RBL2: variants seen among roughly 807,000 people sequenced by gnomAD.
The protein encoded by RBL2 is retinoblastoma-like protein 2.
Under a neutral mutation model 126.0 loss-of-function variants are expected in RBL2, and 56 were observed. The observed-to-expected ratio is 0.44, with a 90% CI of 0.36 to 0.56. RBL2 has a LOEUF of 0.56. Ranked by LOEUF, RBL2 falls within the 20% of genes least tolerant of loss-of-function variation. The pLI is 0.00. For missense variants in RBL2, 1,229 were observed against 1,398.2 expected (o/e 0.88, Z 1.93); for synonymous variants, 454 against 478.5 (o/e 0.95, Z 0.67).
At chr16:53,472,283 G>A (rs1960550421) in intron 17 of RBL2, among the ~76,000 whole-genome samples, 1 of 152,152 alleles carries the variant, frequency 6.6e-6, no homozygotes, top group Non-Finnish European at 1.5e-5. Flanking sequence ...ATTCCTAGGA[G>A]TGGAACTGCA....
chr16:53,446,712 T>C (rs1467300938), intron 3 of RBL2, among the ~76,000 whole-genome samples: 1 of 152,226 alleles, frequency 6.6e-6, no homozygotes, highest in Admixed American at 6.5e-5. Flanking sequence ...TGACTGCATA[T>C]AGTGGTCCTA....
In RBL2 at chr16:53,485,669, C is replaced by T. The variant is rs140229281; in HGVS notation, c.3249+3834C>T. On this transcript the variant is annotated intron_variant, in intron 21 of 21. Transcript: ENST00000262133. ...CAGGAGTTCGAGACCAGCCTGGTAA[C>T]GTGGCAAGACCTTGTCTCTACTTTA... 7.2e-4 allele frequency among the ~76,000 whole-genome samples: 109 copies of T among 151,246 alleles called. 1 individual carries two copies. The highest frequency in any genetic ancestry group is 3.5e-3 in the Middle Eastern group (1 of 288).
At chr16:53,439,648 C>CT (rs1427578886) in intron 2 of RBL2, among the ~76,000 whole-genome samples, 1 of 151,912 alleles carries the variant, frequency 6.6e-6, no homozygotes, top group Non-Finnish European at 1.5e-5. Context: ...GCAGAAATTG[C>CT]TTTATCTGTT....
Position 53,459,597 on chromosome 16 carries a change from GA to G in RBL2, c.1329del (p.Lys443AsnfsTer21), listed in dbSNP as rs770275673. The G allele has an allele frequency of 6.4e-7, 1 of 1,563,004 alleles. No individual in the cohort carries two copies. ...CAGGCCTCAGGAATGCACCAAGTGA[GA>G]AACTGGAACAGATTCTCAGGTTAGT... ...LTGLRNAPSE[K>X]LEQILRTCSR... On this transcript the variant is annotated frameshift_variant, in exon 9 of 22. Coordinates refer to ENST00000262133, the MANE Select transcript of RBL2 (RefSeq NM_005611.4). LOFTEE classifies it high-confidence loss of function.
At chr16:53,472,806 C>G (rs1960572737) in intron 17 of RBL2, among the ~76,000 whole-genome samples, 1 of 152,050 alleles carries the variant, frequency 6.6e-6, no homozygotes, top group Admixed American at 6.5e-5. Context: ...ATTACCAAAC[C>G]CAAGGTCTTT....
chr16:53,477,863 T>G (rs946962172), intron 17 of RBL2, among the ~76,000 whole-genome samples: 1 of 152,186 alleles, frequency 6.6e-6, no homozygotes, highest in Non-Finnish European at 1.5e-5. Context: ...TTATACTGTA[T>G]TTACGATTAC....
chr16:53,481,692 C>T lies in RBL2; in HGVS notation c.3106C>T (p.Pro1036Ser). ...QANMDAPPLSPYPFVRTGSPR... is the reference protein window; with the variant it reads ...QANMDAPPLSSYPFVRTGSPR... ...ACAGATGGATGCTCCTCCACTCTCT[C>T]CCTATCCATTTGTAAGAACAGGCTC... Residue 1036 changes from proline to serine, a missense_variant, in exon 21 of 22, where the codon CCC (proline) becomes TCC (serine). Pro to Ser is a moderately conservative substitution (Grantham distance 74, BLOSUM62 -1). Transcript: ENST00000262133. 2 of 1,612,006 alleles carry T rather than the reference C, an allele frequency of 1.2e-6. No homozygotes were observed. Among genetic ancestry groups the T allele is most frequent in the Non-Finnish European group, 1.7e-6 (2 of 1,178,706 alleles).
chr16:53,456,858 CT>C (rs1189452200), intron 8 of RBL2, among the ~76,000 whole-genome samples: 1 of 152,186 alleles, frequency 6.6e-6, no homozygotes, highest in Non-Finnish European at 1.5e-5. Context: ...CTCAGGACTT[CT>C]TTTCCCCCTG....
At chr16:53,463,332 T>G (rs2058240762) in intron 11 of RBL2, among the ~76,000 whole-genome samples, 2 of 152,162 alleles carry the variant, frequency 1.3e-5, no homozygotes, top group African/African-American at 4.8e-5. Flanking sequence ...TCTGTTTTTT[T>G]GGGTTTGTTG....
chr16:53,471,573 A>G (rs1960525973), intron 17 of RBL2, among the ~76,000 whole-genome samples: 1 of 151,902 alleles, frequency 6.6e-6, no homozygotes, highest in Non-Finnish European at 1.5e-5. Context: ...GGTTCAAGCG[A>G]TTCTCCTGTC....
rs755244928 is a variant in RBL2, at chr16:53,479,966, T to A, written c.2856T>A (p.Ser952=). The change falls in exon 19 of 22, where the codon TCT becomes TCA. Residue 952 remains serine (S), a synonymous_variant. Coordinates refer to ENST00000262133, the MANE Select transcript of RBL2 (RefSeq NM_005611.4). ...GSSDSRSHQN[S]PTELNKDRTS... is the part of the protein sequence containing the mutation. ...GTGATAGCAGAAGCCATCAGAATTC[T>A]CCAACAGAACTAAACAAAGATAGAA... is the stretch of plus-strand genomic sequence containing the variant. 1.5e-5 allele frequency: 24 copies of A among 1,608,056 alleles called. No homozygotes were observed. Among genetic ancestry groups the A allele is most frequent in the Non-Finnish European group, 2.0e-5 (23 of 1,176,296 alleles).
At chr16:53,459,672 T>A in intron 9 of RBL2, 55 bp downstream of exon 9, 1 of 1,435,530 alleles carries the variant, frequency 7.0e-7, no homozygotes, top group Non-Finnish European at 9.3e-7. Context: ...ATTTTCCAAT[T>A]TCCTATTCTT....
At position 53,451,691 on chromosome 16, in the gene RBL2, A is replaced by G. The variant is rs2058116375; in HGVS notation, c.638-12A>G. On this transcript the variant is annotated splice_polypyrimidine_tract_variant and intron_variant, in intron 4 of 21. Transcript: ENST00000262133. ...TGCTAATTTAACTCTGTAACTGCTT[A>G]TAATCCTGCAGGTAATTTCCCCATG... 1 of 1,612,154 alleles carries G rather than the reference A, an allele frequency of 6.2e-7. No individual in the cohort carries two copies. Among genetic ancestry groups the G allele is most frequent in the Admixed American group, 1.7e-5 (1 of 59,932 alleles).
chr16:53,449,938 A>G (rs966616666), intron 4 of RBL2, among the ~76,000 whole-genome samples: 1 of 139,440 alleles, frequency 7.2e-6, no homozygotes, highest in African/African-American at 2.6e-5. Flanking sequence ...TCAGCTTTTT[A>G]TTAGATGTTA....
chr16:53,473,435 T>C (rs1960599085), intron 17 of RBL2, among the ~76,000 whole-genome samples: 1 of 151,886 alleles, frequency 6.6e-6, no homozygotes, highest in Non-Finnish European at 1.5e-5. Context: ...TTGTTGATGC[T>C]ATTCCAAGTG....
In RBL2 at chr16:53,444,131, C is replaced by T. The variant is rs553306797; in HGVS notation, c.572+1273C>T. On this transcript the variant is annotated intron_variant, in intron 3 of 21. Coordinates refer to ENST00000262133, the MANE Select transcript of RBL2 (RefSeq NM_005611.4). ...GTGCGTGGTGGTGCATGCCTATAAT[C>T]CCAGCTACTCGGGAGGCTGAGTCAG... Among the ~76,000 whole-genome samples the T allele has an allele frequency of 2.6e-5, 4 of 151,294 alleles. No homozygotes were observed. In the South Asian group the frequency reaches 6.3e-4, roughly 24 times the overall value.
At chr16:53,473,053 G>A (rs1598120828) in intron 17 of RBL2, among the ~76,000 whole-genome samples, 1 of 152,066 alleles carries the variant, frequency 6.6e-6, no homozygotes, top group Non-Finnish European at 1.5e-5. Context: ...CTATTCCACT[G>A]GACTATATGC....
chr16:53,480,069 C>T, intron 19 of RBL2, 78 bp downstream of exon 19: 1 of 904,358 alleles, frequency 1.1e-6, no homozygotes, highest in Non-Finnish European at 1.7e-6. Context: ...AGTAACTAAG[C>T]ATTACTAAAT....
intron 8 of RBL2, among the ~76,000 whole-genome samples, chr16:53,455,447 A>G (rs763997798): frequency 6.6e-6 from 1 of 152,226 alleles, no homozygotes; most frequent in Non-Finnish European, 1.5e-5. Context: ...TTATTCATTC[A>G]ACAGATATTC....
Sources: gnomAD v4.1 joint callset for allele counts (sites outside exome capture counted in the v4.1 genomes callset) on GRCh38, gnomAD v4.1.1 for gene constraint, MANE v1.5 for transcripts, NCBI Gene and HGNC (gene_info 2026-07-23, HGNC 2026-07-21) for gene names.